Variants in PPP2R2B observed in about 807,000 individuals in gnomAD.
PPP2R2B encodes protein phosphatase 2 regulatory subunit Bbeta, also known as serine/threonine-protein phosphatase 2A 55 kDa regulatory subunit B beta isoform.
A neutral mutation model predicts 46.0 loss-of-function variants in PPP2R2B; 5 were observed. The ratio of observed to expected loss-of-function variants is 0.11; its 90% CI spans 0.06 to 0.23. PPP2R2B has a LOEUF of 0.23. Ranked by LOEUF, PPP2R2B falls within the 10% of genes least tolerant of loss-of-function variation. The pLI is 1.00. For synonymous variants in PPP2R2B, 215 were observed against 206.7 expected, an observed-to-expected ratio of 1.04 and a Z score of -0.34; for missense variants, 367 against 575.0, an observed-to-expected ratio of 0.64 and a Z score of 3.70.
In PPP2R2B at chr5:146,694,200, C is replaced by A. The variant is rs954652885; in HGVS notation, c.335-2960G>T. ...GTATCTGGGCATCACTTGGGCTGCT[C>A]GTGTCTGACACACTGGCAAGGCTGC... On this transcript the variant is annotated intron_variant, in intron 4 of 9. Coordinates refer to ENST00000394411, the MANE Select transcript of PPP2R2B (RefSeq NM_181675.4). Among the ~76,000 whole-genome samples, 3 of 152,290 alleles carry A rather than the reference C, an allele frequency of 2.0e-5. No homozygotes were observed. In the South Asian group the frequency reaches 6.2e-4, roughly 32 times the overall value.
intron 7 of PPP2R2B, among the ~76,000 whole-genome samples, chr5:146,617,952 C>T (rs1173449540): frequency 1.3e-5 from 2 of 152,102 alleles, no homozygotes; most frequent in African/African-American, 2.4e-5. Flanking sequence ...CCTTGGCCTC[C>T]CAAAGTGCTG....
chr5:146,854,417 T>C lies in PPP2R2B; in HGVS notation c.70+23585A>G, dbSNP rs537358746. On this transcript the variant is annotated intron_variant, in intron 2 of 9. Coordinates refer to ENST00000394411, the MANE Select transcript of PPP2R2B (RefSeq NM_181675.4). ...ACCTTGAGTATTTATTATTTCTATG[T>C]GTTGGGGACATTTCAAATTCTCTCT... 2.0e-5 allele frequency among the ~76,000 whole-genome samples: 3 copies of C among 152,296 alleles called. No homozygotes were observed. In the South Asian group the frequency reaches 6.2e-4, roughly 32 times the overall value.
rs1770954451 is a variant in PPP2R2B at position 146,594,357 on chromosome 5, A to G, written c.961-1295T>C. On this transcript the variant is annotated intron_variant, in intron 8 of 9. Transcript: ENST00000394411. ...GTATGTCAAATAAGGCTCATCAAGC[A>G]TAGTTGAATATTTTTCTCCAGCTAC... 2.0e-5 allele frequency among the ~76,000 whole-genome samples: 3 copies of G among 152,222 alleles called. No homozygotes were observed. In the South Asian group the frequency reaches 6.2e-4, roughly 32 times the overall value.
intron 1 of PPP2R2B, among the ~76,000 whole-genome samples, chr5:146,903,341 T>C (rs1029174475): frequency 2.0e-5 from 3 of 151,858 alleles, no homozygotes; most frequent in Non-Finnish European, 4.4e-5. Context: ...AAACACTGTT[T>C]TTTTTGTTTT....
chr5:147,059,511 A>G (rs1207777375), upstream of PPP2R2B, among the ~76,000 whole-genome samples: 1 of 152,152 alleles, frequency 6.6e-6, no homozygotes, highest in Non-Finnish European at 1.5e-5. Flanking sequence ...ATCTAAAGCA[A>G]TGGCAGAGGT....
At chr5:146,677,605 C>T (rs1777825670) in intron 5 of PPP2R2B, among the ~76,000 whole-genome samples, 1 of 138,094 alleles carries the variant, frequency 7.2e-6, no homozygotes, top group South Asian at 2.5e-4. Context: ...GTGGCCTGAT[C>T]TCGGCTCACT....
At chr5:146,715,571 A>G (rs909267608) in intron 2 of PPP2R2B, among the ~76,000 whole-genome samples, 1 of 152,144 alleles carries the variant, frequency 6.6e-6, no homozygotes, top group Non-Finnish European at 1.5e-5. Flanking sequence ...GTTTTATGTT[A>G]TATCACTTAA....
upstream of PPP2R2B, among the ~76,000 whole-genome samples, chr5:147,058,152 G>A (rs1757147382): frequency 6.6e-6 from 1 of 151,938 alleles, no homozygotes; most frequent in Admixed American, 6.6e-5. Context: ...TAAATATTAG[G>A]TGAGTAAGTG....
chr5:146,695,985 GT>G (rs1224052144), intron 4 of PPP2R2B, among the ~76,000 whole-genome samples: 1 of 151,950 alleles, frequency 6.6e-6, no homozygotes, highest in Non-Finnish European at 1.5e-5. Context: ...TAATATCCTT[GT>G]TAATCAAAAA....
chr5:146,893,969 C>CCAGGAGATTG (rs1205156571), intron 1 of PPP2R2B, among the ~76,000 whole-genome samples: 1 of 151,934 alleles, frequency 6.6e-6, no homozygotes, highest in African/African-American at 2.4e-5. Context: ...TTGCTTGAAC[C>CCAGGAGATTG]CAGGAGGCGG....
chr5:146,683,974 GAT>G (rs1778333242), intron 5 of PPP2R2B, among the ~76,000 whole-genome samples: 1 of 152,212 alleles, frequency 6.6e-6, no homozygotes, highest in African/African-American at 2.4e-5. Context: ...GCCGAGGCAG[GAT>G]GGGGAGGATA....
intron 2 of PPP2R2B, among the ~76,000 whole-genome samples, chr5:146,726,268 C>T (rs1228780686): frequency 6.6e-6 from 1 of 151,624 alleles, no homozygotes; most frequent in African/African-American, 2.4e-5. Flanking sequence ...AGGATTTTGG[C>T]CAATTTAAGC....
intron 1 of PPP2R2B, among the ~76,000 whole-genome samples, chr5:146,937,936 G>A (rs1374174493): frequency 6.6e-6 from 1 of 152,048 alleles, no homozygotes; most frequent in Non-Finnish European, 1.5e-5. Context: ...TGTCATGTTC[G>A]TCTTTGTATT....
At chr5:147,021,401 C>T (rs1274119034) in intron 1 of PPP2R2B, among the ~76,000 whole-genome samples, 1 of 152,190 alleles carries the variant, frequency 6.6e-6, no homozygotes, top group Non-Finnish European at 1.5e-5. Flanking sequence ...TTTGAGAAAT[C>T]TGCAATAGAA....
chr5:147,027,976 G>A (rs905853262), intron 1 of PPP2R2B, among the ~76,000 whole-genome samples: 4 of 152,124 alleles, frequency 2.6e-5, no homozygotes, highest in Non-Finnish European at 4.4e-5. Flanking sequence ...CTGCTGTCAC[G>A]GACTTTGTGG....
chr5:146,822,727 T>C (rs745728686), intron 2 of PPP2R2B, among the ~76,000 whole-genome samples: 2 of 152,180 alleles, frequency 1.3e-5, no homozygotes, highest in Non-Finnish European at 2.9e-5. Flanking sequence ...AGAGAAATCT[T>C]GATCTTGCTC....
intron 2 of PPP2R2B, among the ~76,000 whole-genome samples, chr5:146,786,661 C>T (rs1410631984): frequency 6.6e-6 from 1 of 152,058 alleles, no homozygotes; most frequent in African/African-American, 2.4e-5. Context: ...CATATTAATC[C>T]TTCTTGGTAT....
At chr5:146,912,165 G>A (rs1011998662) in intron 1 of PPP2R2B, among the ~76,000 whole-genome samples, 3 of 151,286 alleles carry the variant, frequency 2.0e-5, no homozygotes, top group South Asian at 2.1e-4. Flanking sequence ...CTTGAACCTC[G>A]GAGGTGGAGG....
At chr5:146,907,479 G>A (rs34902638) in intron 1 of PPP2R2B, among the ~76,000 whole-genome samples, 69,857 of 151,684 alleles carry the variant, frequency 0.46, 17,248 homozygotes, top group East Asian at 0.65. Context: ...TGGAATTAAT[G>A]TCCTTACAGA....
Sources: allele counts gnomAD v4.1 joint callset (sites outside exome capture counted in the v4.1 genomes callset), GRCh38; gene constraint gnomAD v4.1.1; transcripts MANE v1.5; gene names NCBI Gene and HGNC (gene_info 2026-07-23, HGNC 2026-07-21).